The following ADGRG6 variants were observed in gnomAD, a reference collection of about 807,000 sequenced individuals.
ADGRG6 encodes the protein G-protein coupled receptor 126.
ADGRG6 carries 84 observed loss-of-function variants against 142.4 expected under a neutral mutation model. The observed-to-expected ratio is 0.59, with a 90% CI of 0.49 to 0.71. The LOEUF (loss-of-function observed/expected upper bound fraction) is 0.71. Ranked by LOEUF, ADGRG6 falls within the 30% of genes least tolerant of loss-of-function variation. ADGRG6 has a pLI of 0.00. For synonymous variants in ADGRG6, 521 were observed against 520.5 expected, an observed-to-expected ratio of 1.00 and a Z score of -0.01; for missense variants, 1,367 against 1,466.6, an observed-to-expected ratio of 0.93 and a Z score of 1.11.
chr6:142,370,455 A>G lies in ADGRG6; in HGVS notation c.731A>G (p.Asp244Gly). ...NNALPVKEKE[D>G]IFAESFEQLC... ...GCATTACCTGTCAAAGAAAAAGAAG[A>G]CATTTTTGCAGAAAGCTTTGAACAG... The change falls in exon 4 of 25, where the codon GAC becomes GGC. Residue 244 changes from aspartate (D) to glycine (G), a missense_variant. Transcript: ENST00000367609. The G allele has an allele frequency of 2.5e-6, 4 of 1,613,194 alleles. No individual in the cohort carries two copies. The highest frequency in any genetic ancestry group is 2.2e-5 in the East Asian group (1 of 44,868).
chr6:142,338,013 C>CTTGGTTTTTTTTTTTTTT (rs1779405686), intron 2 of ADGRG6, among the ~76,000 whole-genome samples: 2 of 26,078 alleles, frequency 7.7e-5, no homozygotes, highest in African/African-American at 3.6e-4. Flanking sequence ...TGCCTTGTAT[C>CTTGGTTTTTTTTTTTTTT]TTTGTTTTTT....
chr6:142,357,695 C>G (rs1270169303), intron 2 of ADGRG6, among the ~76,000 whole-genome samples: 1 of 152,138 alleles, frequency 6.6e-6, no homozygotes, highest in African/African-American at 2.4e-5. Flanking sequence ...ATATATTCTC[C>G]CAACTTATTG....
chr6:142,315,196 T>C (rs1777980263), intron 2 of ADGRG6, among the ~76,000 whole-genome samples: 1 of 152,154 alleles, frequency 6.6e-6, no homozygotes, highest in Admixed American at 6.6e-5. Flanking sequence ...TCTGAGACTT[T>C]CGCAGACACA....
At chr6:142,373,407 C>T (rs7765713) in intron 4 of ADGRG6, among the ~76,000 whole-genome samples, 10 of 128,110 alleles carry the variant, frequency 7.8e-5, no homozygotes, top group African/African-American at 3.0e-4. Context: ...TATTTGTTTC[C>T]CACAATACTT....
At position 142,393,919 on chromosome 6, in the gene ADGRG6, A is replaced by G; in HGVS notation, c.1385A>G (p.Asp462Gly). The change falls in exon 9 of 25, where the codon GAC becomes GGC. Residue 462 changes from aspartate (D) to glycine (G), a missense_variant. Physicochemically the swap from Asp to Gly is moderately conservative, Grantham distance 94. Coordinates refer to ENST00000367609, the MANE Select transcript of ADGRG6 (RefSeq NM_198569.3). ...AGTTTTCACCTGAGTGCTGGAGAGG[A>G]CAAGATTAAAGTCAAGAGAAGCCTT... ...NISFHLSAGE[D>G]KIKVKRSLED... 1 of 1,561,374 alleles carries G rather than the reference A, an allele frequency of 6.4e-7. No individual in the cohort carries two copies. The highest frequency in any genetic ancestry group is 8.7e-7 in the Non-Finnish European group (1 of 1,150,084).
chr6:142,370,223 T>C lies in ADGRG6; in HGVS notation c.499T>C (p.Tyr167His). The part of the protein sequence containing the change: ...KVILPQTSDA[Y>H]QVSVAKSISI... ...CATTTTACCCCAGACATCAGATGCT[T>C]ACCAGGTATCTGTTGCAAAAAGCAT... The change falls in exon 4 of 25, where the codon TAC (tyrosine) becomes CAC (histidine). Residue 167 changes from tyrosine to histidine, a missense_variant. Physicochemically the swap from Tyr to His is moderately conservative, Grantham distance 83. Coordinates refer to ENST00000367609, the MANE Select transcript of ADGRG6 (RefSeq NM_198569.3). 6.2e-7 allele frequency: 1 copy of C among 1,610,518 alleles called. No individual in the cohort carries two copies. Among genetic ancestry groups the C allele is most frequent in the East Asian group, 2.2e-5 (1 of 44,780 alleles).
chr6:142,420,554 C>G (rs1447015294), intron 22 of ADGRG6, among the ~76,000 whole-genome samples: 1 of 152,150 alleles, frequency 6.6e-6, no homozygotes, highest in African/African-American at 2.4e-5. Flanking sequence ...TATGTAAGAA[C>G]AGTAGCAGTT....
At position 142,318,358 on chromosome 6, in the gene ADGRG6, A is replaced by ATG. The variant is rs1268301290; in HGVS notation, c.103+8715_103+8716insGT. The stretch of plus-strand genomic sequence containing the variant: ...TTTATATTATATATTTATATATTAT[A>ATG]TAATATTTATATATATTTATATATT... On this transcript the variant is annotated intron_variant, in intron 2 of 24. Coordinates refer to ENST00000367609, the MANE Select transcript of ADGRG6 (RefSeq NM_198569.3). 8.4e-4 allele frequency among the ~76,000 whole-genome samples: 81 copies of ATG among 96,258 alleles called. 1 individual carries two copies. The highest frequency in any genetic ancestry group is 3.9e-3 in the African/African-American group (76 of 19,524). The allele number at this position is 96,258 out of a possible 152,430, so 63.1% of individuals were successfully genotyped here.
chr6:142,337,989 C>T (rs1779400288), intron 2 of ADGRG6, among the ~76,000 whole-genome samples: 1 of 136,998 alleles, frequency 7.3e-6, no homozygotes, highest in Admixed American at 7.2e-5. Context: ...TGTTCTGACA[C>T]TAAATCCTTT....
Position 142,370,299 on chromosome 6 carries a change from T to G in ADGRG6, c.575T>G (p.Val192Gly), listed in dbSNP as rs750228405. 6.2e-7 allele frequency: 1 copy of G among 1,613,778 alleles called. No homozygotes were observed. Among genetic ancestry groups the G allele is most frequent in the African/African-American group, 1.3e-5 (1 of 74,934 alleles). Residue 192 changes from valine (V) to glycine (G), a missense_variant, in exon 4 of 25, where the codon GTT (valine) becomes GGT (glycine). Physicochemically the swap from Val to Gly is moderately radical, Grantham distance 109 (BLOSUM62 -3). Transcript: ENST00000367609. ...ACACTCTGCTTTGAAGCAACCAAAG[T>G]TGGCCATGAAGACAGTGATTGGACA... Reference protein sequence around the residue: ...AFTLCFEATKVGHEDSDWTAF... With the variant: ...AFTLCFEATKGGHEDSDWTAF...
chr6:142,350,183 A>G lies in ADGRG6; in HGVS notation c.104-17386A>G, dbSNP rs867554462. On this transcript the variant is annotated intron_variant, in intron 2 of 24. Transcript: ENST00000367609. ...AATTTATATGTGGAATGATAATAGCACAAAGTTTGAGACATCTTAGGCACT... is the reference window on the plus strand; with the variant it reads ...AATTTATATGTGGAATGATAATAGCGCAAAGTTTGAGACATCTTAGGCACT... 2.6e-5 allele frequency among the ~76,000 whole-genome samples: 4 copies of G among 152,246 alleles called. No individual in the cohort carries two copies. In the South Asian group the frequency reaches 8.3e-4, roughly 31 times the overall value.
rs75664723 is a variant in ADGRG6 at position 142,306,649 on chromosome 6, G to A, written c.3-2895G>A. Among the ~76,000 whole-genome samples, 1,370 of 152,160 alleles carry A rather than the reference G, an allele frequency of 9.0e-3. 23 individuals carry two copies. The highest frequency in any genetic ancestry group is 0.032 in the African/African-American group (1,310 of 41,500). On this transcript the variant is annotated intron_variant, in intron 1 of 24. Transcript: ENST00000367609. Reference sequence around the variant, plus strand: ...CCTGCTGTCTTCAGTAGAACTTTAAGGCCACAATCAAAATGGTGTAAGAGT... The same window carrying A: ...CCTGCTGTCTTCAGTAGAACTTTAAAGCCACAATCAAAATGGTGTAAGAGT...
At chr6:142,406,982 G>A (rs1004917640) in intron 15 of ADGRG6, among the ~76,000 whole-genome samples, 11 of 151,992 alleles carry the variant, frequency 7.2e-5, no homozygotes, top group Admixed American at 5.9e-4. Flanking sequence ...ATTGTTTTGA[G>A]TCTTCTCCAT....
At chr6:142,315,255 T>G (rs947513772) in intron 2 of ADGRG6, among the ~76,000 whole-genome samples, 5 of 152,156 alleles carry the variant, frequency 3.3e-5, no homozygotes, top group African/African-American at 1.2e-4. Flanking sequence ...AGGAGTTTTC[T>G]TTTTATTTTC....
chr6:142,384,221 A>G (rs1781915032), intron 6 of ADGRG6, among the ~76,000 whole-genome samples: 1 of 152,130 alleles, frequency 6.6e-6, no homozygotes, highest in East Asian at 1.9e-4. Flanking sequence ...AAAGGATTTT[A>G]TAAATTTCAA....
At chr6:142,425,281 G>C (rs998473924) in intron 22 of ADGRG6, among the ~76,000 whole-genome samples, 4 of 152,154 alleles carry the variant, frequency 2.6e-5, no homozygotes, top group South Asian at 2.1e-4. Flanking sequence ...CAGGTAGGAG[G>C]AGACTCTCAG....
At chr6:142,352,207 G>T (rs1033520761) in intron 2 of ADGRG6, among the ~76,000 whole-genome samples, 1 of 152,168 alleles carries the variant, frequency 6.6e-6, no homozygotes, top group African/African-American at 2.4e-5. Context: ...GAGACATGGA[G>T]TCAACCACGA....
chr6:142,434,221 A>C (rs1209001215), intron 22 of ADGRG6, among the ~76,000 whole-genome samples: 1 of 150,606 alleles, frequency 6.6e-6, no homozygotes, highest in Non-Finnish European at 1.5e-5. Flanking sequence ...CCATATATTA[A>C]TATCAAATAA....
intron 7 of ADGRG6, 60 bp downstream of exon 7, chr6:142,390,403 A>G (rs1322926709): frequency 1.0e-5 from 9 of 904,362 alleles, no homozygotes; most frequent in Non-Finnish European, 1.6e-5. Flanking sequence ...GGAATCTGGA[A>G]AAGACTAGTT....
Sources: allele counts gnomAD v4.1 joint callset (sites outside exome capture counted in the v4.1 genomes callset), GRCh38; gene constraint gnomAD v4.1.1; transcripts MANE v1.5; gene names NCBI Gene and HGNC (gene_info 2026-07-23, HGNC 2026-07-21).